Variants in CACNA2D2 observed in about 807,000 individuals in gnomAD.
CACNA2D2 encodes calcium voltage-gated channel auxiliary subunit alpha2delta 2.
In CACNA2D2, 48 loss-of-function variants were observed where a neutral mutation model predicts 166.4. The observed-to-expected ratio is 0.29, with a 90% CI of 0.23 to 0.37. The LOEUF (loss-of-function observed/expected upper bound fraction) is 0.37. Ranked by LOEUF, CACNA2D2 falls within the 10% of genes least tolerant of loss-of-function variation. The pLI is 1.00. For synonymous variants in CACNA2D2, 561 were observed against 573.7 expected, an observed-to-expected ratio of 0.98 and a Z score of 0.32; for missense variants, 1,122 against 1,433.0, an observed-to-expected ratio of 0.78 and a Z score of 3.50.
At chr3:50,416,943 C>T (rs1707291016) in intron 3 of CACNA2D2, among the ~76,000 whole-genome samples, 1 of 152,202 alleles carries the variant, frequency 6.6e-6, no homozygotes, top group African/African-American at 2.4e-5. Context: ...ACATGTATCC[C>T]ATTCACGTGT....
intron 1 of CACNA2D2, among the ~76,000 whole-genome samples, chr3:50,489,785 G>A (rs1698447501): frequency 6.6e-6 from 1 of 151,754 alleles, no homozygotes; most frequent in Admixed American, 6.6e-5. Flanking sequence ...CCTGACTGGG[G>A]AGGCCCAGGG....
rs1553726247 is a variant in CACNA2D2 at position 50,367,635 on chromosome 3, C to G, written c.2297+7G>C. On this transcript the variant is annotated splice_region_variant and intron_variant, in intron 26 of 37. Coordinates refer to ENST00000424201, the MANE Select transcript of CACNA2D2 (RefSeq NM_006030.4). This position sits in a 1 kb window ranked among gnomAD's most constrained non-coding sequence, Gnocchi z 6.5. ...GCAGGGTTTGGGTAGTGGGATAGGT[C>G]ACTTACTTGTTGGGGAAGACTCGGG... 1 of 1,611,204 alleles carries G rather than the reference C, an allele frequency of 6.2e-7. No individual in the cohort carries two copies. The highest frequency in any genetic ancestry group is 8.5e-7 in the Non-Finnish European group (1 of 1,178,036).
At chr3:50,501,602 T>C (rs1378019470) in intron 1 of CACNA2D2, among the ~76,000 whole-genome samples, 1 of 152,096 alleles carries the variant, frequency 6.6e-6, no homozygotes, top group Non-Finnish European at 1.5e-5. Flanking sequence ...CCAGAAGCCA[T>C]CTGACCAACT....
chr3:50,437,499 C>T (rs1708404408), intron 2 of CACNA2D2, among the ~76,000 whole-genome samples: 1 of 152,190 alleles, frequency 6.6e-6, no homozygotes, highest in Non-Finnish European at 1.5e-5. Context: ...TGAGGTGCAA[C>T]AGTCCTCGAA....
At chr3:50,419,647 A>G (rs979760593) in intron 3 of CACNA2D2, 1 of 152,182 alleles carries the variant, frequency 6.6e-6, no homozygotes, top group African/African-American at 2.4e-5. Flanking sequence ...GGCCTGTTTA[A>G]TGGGCACATG....
intron 4 of CACNA2D2, among the ~76,000 whole-genome samples, 175 bp downstream of exon 4, chr3:50,393,934 C>T (rs969554196): frequency 8.5e-5 from 13 of 152,262 alleles, no homozygotes; most frequent in Non-Finnish European, 1.9e-4. Context: ...TCACTGTGTG[C>T]CCAGCAGTGA....
rs139480728 is a variant in CACNA2D2 at position 50,416,857 on chromosome 3, G to A, written c.405+17456C>T. Among the ~76,000 whole-genome samples, 271 of 152,358 alleles carry A rather than the reference G, an allele frequency of 1.8e-3. 1 individual carries two copies. Among genetic ancestry groups the A allele is most frequent in the Middle Eastern group, 3.4e-3 (1 of 292 alleles). On this transcript the variant is annotated intron_variant, in intron 3 of 37. Coordinates refer to ENST00000424201, the MANE Select transcript of CACNA2D2 (RefSeq NM_006030.4). ...CAGCTGTGATAGGGCTGCACACCAG[G>A]AGTGAAAGTGTGTGTGTGTGCCCAT... is the stretch of plus-strand genomic sequence containing the variant.
chr3:50,484,508 C>G (rs1344919279), intron 1 of CACNA2D2, among the ~76,000 whole-genome samples: 1 of 152,158 alleles, frequency 6.6e-6, no homozygotes, highest in Non-Finnish European at 1.5e-5. Flanking sequence ...CTGAACATGC[C>G]CCTATAGTCC....
chr3:50,503,184 G>T, intron 1 of CACNA2D2, 34 bp downstream of exon 1: 1 of 1,162,104 alleles, frequency 8.6e-7, no homozygotes, highest in Non-Finnish European at 1.1e-6. Flanking sequence ...CGCAAGGCTC[G>T]GCCGGGGTCT....
chr3:50,380,475 C>T lies in CACNA2D2; in HGVS notation c.842+273G>A, dbSNP rs1705241752. 6.6e-6 allele frequency among the ~76,000 whole-genome samples: 1 copy of T among 152,190 alleles called. No individual in the cohort carries two copies. The highest frequency in any genetic ancestry group is 1.5e-5 in the Non-Finnish European group (1 of 68,018). ...CTGGCCAACCCTACAGAGGCTACAT[C>T]TGCCTTTGGGGACCCCTTCTGGTCC... is the stretch of plus-strand genomic sequence containing the variant. On this transcript the variant is annotated intron_variant, in intron 8 of 37. Coordinates refer to ENST00000424201, the MANE Select transcript of CACNA2D2 (RefSeq NM_006030.4). The surrounding 1 kb of genome is among the most constrained non-coding windows in gnomAD (Gnocchi z 4.9).
intron 3 of CACNA2D2, among the ~76,000 whole-genome samples, chr3:50,406,376 A>ATATCCAGGTTGGT (rs1227405390): frequency 6.6e-6 from 1 of 151,756 alleles, no homozygotes; most frequent in Non-Finnish European, 1.5e-5. Context: ...GCAAGGGCAA[A>ATATCCAGGTTGGT]GCCCACGAGT....
At chr3:50,422,761 A>C (rs148725581) in intron 3 of CACNA2D2, among the ~76,000 whole-genome samples, 215 of 152,320 alleles carry the variant, frequency 1.4e-3, no homozygotes, top group Non-Finnish European at 2.3e-3. Flanking sequence ...TGTAGCTGCA[A>C]TCTCGCCTGG....
chr3:50,501,091 C>A (rs1306508767), intron 1 of CACNA2D2, among the ~76,000 whole-genome samples: 3 of 152,174 alleles, frequency 2.0e-5, no homozygotes, highest in Non-Finnish European at 4.4e-5. Flanking sequence ...AGTGTCATCC[C>A]AGCCTGGCCA....
intron 22 of CACNA2D2, among the ~76,000 whole-genome samples, chr3:50,373,590 C>A: frequency 2.3e-5 from 1 of 42,976 alleles, no homozygotes; most frequent in Non-Finnish European, 4.3e-5. Context: ...GGGGGCAGAG[C>A]GGAGGGAGTG....
chr3:50,467,795 C>CT (rs1405555011), intron 2 of CACNA2D2, among the ~76,000 whole-genome samples: 1 of 152,186 alleles, frequency 6.6e-6, no homozygotes, highest in Non-Finnish European at 1.5e-5. Context: ...GGTCCCAAGG[C>CT]TGGGAGACAG....
chr3:50,413,199 G>A (rs568574850), intron 3 of CACNA2D2, among the ~76,000 whole-genome samples: 3 of 152,220 alleles, frequency 2.0e-5, no homozygotes, highest in South Asian at 4.1e-4. Context: ...TGGAGCATGA[G>A]GAGGGGGAAG....
chr3:50,409,319 A>G (rs1344796228), intron 3 of CACNA2D2, among the ~76,000 whole-genome samples: 1 of 152,180 alleles, frequency 6.6e-6, no homozygotes, highest in Non-Finnish European at 1.5e-5. Context: ...GGCTGCCTGA[A>G]GGTGGGGGCA....
At position 50,377,713 on chromosome 3, in the gene CACNA2D2, A is replaced by G; in HGVS notation, c.1551+19T>C. On this transcript the variant is annotated intron_variant, in intron 16 of 37. Transcript: ENST00000424201. ...CCTCCCCAGGCACACCCATAGCCCC[A>G]ACCCTCCCCTTTCCTCACCTTCTTT... 1 of 1,606,708 alleles carries G rather than the reference A, an allele frequency of 6.2e-7. No homozygotes were observed. Among genetic ancestry groups the G allele is most frequent in the Non-Finnish European group, 8.5e-7 (1 of 1,175,828 alleles).
chr3:50,471,363 T>A (rs528363034), intron 2 of CACNA2D2, among the ~76,000 whole-genome samples: 93 of 152,274 alleles, frequency 6.1e-4, no homozygotes, highest in African/African-American at 2.2e-3. Flanking sequence ...AGTGCTCTGG[T>A]GAGGGGACCT....
Sources: allele counts gnomAD v4.1 joint callset (sites outside exome capture counted in the v4.1 genomes callset), GRCh38; gene constraint gnomAD v4.1.1; non-coding constraint Gnocchi (gnomAD v3.1); transcripts MANE v1.5; gene names NCBI Gene and HGNC (gene_info 2026-07-23, HGNC 2026-07-21).